The following LCLAT1 variants were observed in gnomAD, a reference collection of about 807,000 sequenced individuals.
LCLAT1 encodes the protein 1-AGP acyltransferase 8.
Under a neutral mutation model 30.7 loss-of-function variants are expected in LCLAT1, and 11 were observed. The observed-to-expected ratio is 0.36, with a 90% CI of 0.23 to 0.59. The LOEUF is 0.59. Ranked by LOEUF, LCLAT1 falls within the 20% of genes least tolerant of loss-of-function variation. LCLAT1 has a pLI of 0.77. For missense variants in LCLAT1, 402 were observed against 458.6 expected (o/e 0.88, Z 1.13); for synonymous variants, 155 against 151.3 (o/e 1.02, Z -0.18).
chr2:30,581,386 A>T (rs12467017), intron 5 of LCLAT1, among the ~76,000 whole-genome samples: 19,254 of 152,044 alleles, frequency 0.13, 1,352 homozygotes, highest in South Asian at 0.23. Context: ...CAACAGTTGA[A>T]CCCATCTTAA....
At chr2:30,608,248 G>C (rs1478454380) in intron 5 of LCLAT1, among the ~76,000 whole-genome samples, 2 of 151,098 alleles carry the variant, frequency 1.3e-5, no homozygotes, top group African/African-American at 2.4e-5. Context: ...TTGAACCTGG[G>C]AGGCGGATGT....
intron 3 of LCLAT1, among the ~76,000 whole-genome samples, chr2:30,535,546 A>G (rs1049927140): frequency 4.6e-5 from 7 of 152,232 alleles, no homozygotes; most frequent in African/African-American, 1.2e-4. Flanking sequence ...GTAGACACCA[A>G]TGATGTTGAT....
chr2:30,617,801 A>T (rs1425368387), intron 5 of LCLAT1, among the ~76,000 whole-genome samples: 1 of 152,096 alleles, frequency 6.6e-6, no homozygotes, highest in African/African-American at 2.4e-5. Context: ...TTCACTGGTG[A>T]TATGTTAATT....
At chr2:30,486,504 C>A (rs1205822329) in intron 1 of LCLAT1, among the ~76,000 whole-genome samples, 2 of 152,176 alleles carry the variant, frequency 1.3e-5, no homozygotes, top group African/African-American at 2.4e-5. Context: ...CTTGTCCTCT[C>A]ACTCTTCCAG....
intron 3 of LCLAT1, among the ~76,000 whole-genome samples, chr2:30,559,236 T>C (rs1665081977): frequency 6.6e-6 from 1 of 152,236 alleles, no homozygotes; most frequent in Non-Finnish European, 1.5e-5. Context: ...ATTTTAGAAA[T>C]GTTCAATATC....
At chr2:30,476,359 G>A (rs2148300397) in intron 1 of LCLAT1, 2 of 456,604 alleles carry the variant, frequency 4.4e-6, no homozygotes, top group Non-Finnish European at 8.8e-6. Context: ...TGGGTAGGAG[G>A]TGAATGGCAG....
At chr2:30,617,027 AAACAGC>A (rs1668027238) in intron 5 of LCLAT1, among the ~76,000 whole-genome samples, 2 of 152,302 alleles carry the variant, frequency 1.3e-5, no homozygotes, top group Non-Finnish European at 2.9e-5. Context: ...CGCCTTAAAA[AAACAGC>A]TTTTAGAGGT....
At chr2:30,478,195 T>C (rs1683142589) in intron 1 of LCLAT1, among the ~76,000 whole-genome samples, 1 of 152,190 alleles carries the variant, frequency 6.6e-6, no homozygotes, top group Admixed American at 6.5e-5. Context: ...TTATTTGAAG[T>C]TAAGCATTTA....
chr2:30,611,540 ACT>A (rs1470918102), intron 5 of LCLAT1, among the ~76,000 whole-genome samples: 3 of 151,978 alleles, frequency 2.0e-5, no homozygotes, highest in Non-Finnish European at 2.9e-5. Context: ...TCTCCCCCTG[ACT>A]CTGCTCTGCC....
Position 30,640,818 on chromosome 2 carries a change from T to C in LCLAT1, c.*199T>C. 1 of 604,666 alleles carries C rather than the reference T, an allele frequency of 1.7e-6. No individual in the cohort carries two copies. The highest frequency in any genetic ancestry group is 2.8e-6 in the Non-Finnish European group (1 of 358,056). The allele number at this position is 604,666 out of a possible 1,614,324, so 37.5% of individuals were successfully genotyped here. ...TAATCTCTGAATGTAATTTCGATACTGTGTACATAGCAGGGAGTGATCGGG... is the reference window on the plus strand; with the variant it reads ...TAATCTCTGAATGTAATTTCGATACCGTGTACATAGCAGGGAGTGATCGGG... On this transcript the variant is annotated 3_prime_UTR_variant, in exon 6 of 6. Coordinates refer to ENST00000379509, the MANE Select transcript of LCLAT1 (RefSeq NM_001002257.3).
At chr2:30,524,821 T>C (rs1685631482) in intron 1 of LCLAT1, among the ~76,000 whole-genome samples, 1 of 152,130 alleles carries the variant, frequency 6.6e-6, no homozygotes, top group East Asian at 1.9e-4. Context: ...TATCATGGTA[T>C]GTATGTAATG....
intron 1 of LCLAT1, among the ~76,000 whole-genome samples, chr2:30,502,589 G>T (rs2148345058): frequency 6.6e-6 from 1 of 152,212 alleles, no homozygotes; most frequent in African/African-American, 2.4e-5. Flanking sequence ...GCTTTGTCTG[G>T]TCTGGGCATT....
rs1302695222 is a variant in LCLAT1, at chr2:30,641,438, A to G, written c.*819A>G. On this transcript the variant is annotated 3_prime_UTR_variant, in exon 6 of 6. Transcript: ENST00000379509. ...TTAAAAATGGTATACATGAAGTCAC[A>G]TACTTTTTTAAAGGAACACTCAGAA... The G allele has an allele frequency of 6.6e-6, 1 of 152,254 alleles. No individual in the cohort carries two copies. Among genetic ancestry groups the G allele is most frequent in the Non-Finnish European group, 1.5e-5 (1 of 68,046 alleles). The allele number at this position is 152,254 out of a possible 1,614,324, so 9.4% of individuals were successfully genotyped here. A position where few individuals can be genotyped will look rare whatever the true frequency, so the allele number is the denominator to read the frequency against.
At chr2:30,523,551 C>A (rs184554697) in intron 1 of LCLAT1, among the ~76,000 whole-genome samples, 1 of 152,160 alleles carries the variant, frequency 6.6e-6, no homozygotes, top group African/African-American at 2.4e-5. Flanking sequence ...ATTTTGTACA[C>A]GTACTGTCAA....
chr2:30,540,760 G>A (rs1384377774), intron 3 of LCLAT1, among the ~76,000 whole-genome samples: 1 of 151,854 alleles, frequency 6.6e-6, no homozygotes, highest in Admixed American at 6.6e-5. Flanking sequence ...CGCCTCCCGG[G>A]TTCAAGCGAT....
intron 1 of LCLAT1, among the ~76,000 whole-genome samples, chr2:30,498,609 C>T (rs773151068): frequency 3.9e-5 from 6 of 152,136 alleles, no homozygotes; most frequent in African/African-American, 4.8e-5. Flanking sequence ...GCCTGCCTTA[C>T]GGGTGTCTTA....
intron 3 of LCLAT1, among the ~76,000 whole-genome samples, chr2:30,554,702 A>G (rs1169373394): frequency 6.6e-6 from 1 of 152,214 alleles, no homozygotes; most frequent in Non-Finnish European, 1.5e-5. Flanking sequence ...GTTCCTAAAA[A>G]TGGCTGCTAT....
chr2:30,585,900 T>A (rs1478360156), intron 5 of LCLAT1, among the ~76,000 whole-genome samples: 1 of 152,088 alleles, frequency 6.6e-6, no homozygotes, highest in Non-Finnish European at 1.5e-5. Flanking sequence ...AAACTCTTGG[T>A]TGCTGTATTA....
intron 1 of LCLAT1, among the ~76,000 whole-genome samples, chr2:30,473,345 C>T (rs779711696): frequency 2.5e-4 from 38 of 152,164 alleles, no homozygotes; most frequent in Non-Finnish European, 4.6e-4. Context: ...GAATCTATTA[C>T]GATCTTTCTT....
Sources: gnomAD v4.1 joint callset for allele counts (sites outside exome capture counted in the v4.1 genomes callset) on GRCh38, gnomAD v4.1.1 for gene constraint, MANE v1.5 for transcripts, NCBI Gene and HGNC (gene_info 2026-07-23, HGNC 2026-07-21) for gene names.